Variants in ATXN3 observed in about 807,000 individuals in gnomAD.
ATXN3 encodes ataxin-3.
A neutral mutation model predicts 58.2 loss-of-function variants in ATXN3; 28 were observed. That is an observed-to-expected ratio of 0.48 (90% CI 0.36 to 0.66). ATXN3 has a LOEUF of 0.66. ATXN3 is among the 30% of genes least tolerant of loss of function. The probability of loss-of-function intolerance (pLI) is 0.00; values close to 1 mark genes in which losing one functional copy is unlikely to be tolerated. For missense variants in ATXN3, 321 were observed against 422.1 expected, an observed-to-expected ratio of 0.76 and a Z score of 2.10; for synonymous variants, 113 against 138.5, an observed-to-expected ratio of 0.82 and a Z score of 1.29.
Position 92,088,778 on chromosome 14 carries a change from T to C in ATXN3, c.427A>G (p.Ile143Val), listed in dbSNP as rs2063134140. 6.2e-7 allele frequency: 1 copy of C among 1,612,716 alleles called. No homozygotes were observed. The highest frequency in any genetic ancestry group is 8.5e-7 in the Non-Finnish European group (1 of 1,179,058). Residue 143 changes from isoleucine (I) to valine (V), a missense_variant, in exon 6 of 11, where the codon ATA becomes GTA. Ile to Val is a conservative substitution (Grantham distance 29). Coordinates refer to ENST00000644486, the MANE Select transcript of ATXN3 (RefSeq NM_004993.6). ...AAAAGTGCAAGATATGTATCTGATA[T>C]TAATTCTGGACCCGTCAAGAGAGAA... ...LNSLLTGPEL[I>V]SDTYLALFLA...
At position 92,096,891 on chromosome 14, in the gene ATXN3, T is replaced by C. The variant is rs561426690; in HGVS notation, c.25-53A>G. On this transcript the variant is annotated intron_variant, in intron 1 of 10. Transcript: ENST00000644486. ...ATGTGACTTGTTAAACAGAATTGTA[T>C]AGTATCTTCCCCTAAATAATTTTTT... is the stretch of plus-strand genomic sequence containing the variant. The C allele has an allele frequency of 6.0e-4, 894 of 1,492,872 alleles. 1 individual carries two copies. Among genetic ancestry groups the C allele is most frequent in the African/African-American group, 7.8e-4 (56 of 71,676 alleles). 92.5% of individuals were successfully genotyped at this position (1,492,872 alleles called of 1,614,324 possible).
At chr14:92,102,223 AAAG>A (rs1037296177) in intron 1 of ATXN3, among the ~76,000 whole-genome samples, 7 of 151,388 alleles carry the variant, frequency 4.6e-5, no homozygotes, top group African/African-American at 1.2e-4. Context: ...GAAAGAAAAG[AAAG>A]AAGGAAGGAA....
At chr14:92,088,676 G>A (rs1032974565) in intron 6 of ATXN3, 54 bp downstream of exon 6, 2 of 1,238,204 alleles carry the variant, frequency 1.6e-6, no homozygotes, top group African/African-American at 1.5e-5. Flanking sequence ...TAATGTGCCT[G>A]GTTATTTAAC....
chr14:92,096,225 A>G, intron 2 of ATXN3, 88 bp from the exon 3 acceptor site: 1 of 1,611,482 alleles, frequency 6.2e-7, no homozygotes, highest in Non-Finnish European at 8.5e-7. Context: ...TTAAAACAAT[A>G]TCTTGTGCAT....
rs149821097 is a variant in ATXN3 at position 92,099,760 on chromosome 14, G to T, written c.25-2922C>A. Among the ~76,000 whole-genome samples the T allele has an allele frequency of 6.1e-3, 930 of 152,156 alleles. 10 individuals are homozygous for T. The highest frequency in any genetic ancestry group is 0.021 in the African/African-American group (882 of 41,524). The stretch of plus-strand genomic sequence containing the variant: ...GTGCGTGCTTGTAGTCCAGCTTCTT[G>T]GGAGGCTGAGAAAGGAGGATAACTT... On this transcript the variant is annotated intron_variant, in intron 1 of 10. Coordinates refer to ENST00000644486, the MANE Select transcript of ATXN3 (RefSeq NM_004993.6).
At chr14:92,054,093 G>A (rs954358980), downstream of ATXN3, among the ~76,000 whole-genome samples, 3 of 152,066 alleles carry the variant, frequency 2.0e-5, no homozygotes, top group Admixed American at 6.5e-5. Flanking sequence ...CACCAACCAC[G>A]CCTGGCTAAT....
At chr14:92,056,227 G>A (rs1484667645), downstream of ATXN3, among the ~76,000 whole-genome samples, 2 of 152,154 alleles carry the variant, frequency 1.3e-5, no homozygotes, top group Non-Finnish European at 2.9e-5. Flanking sequence ...GTGGCTCAGG[G>A]CTGAGACAAG....
chr14:92,098,944 CA>C (rs1238768823), intron 1 of ATXN3, among the ~76,000 whole-genome samples: 1 of 152,160 alleles, frequency 6.6e-6, no homozygotes, highest in Non-Finnish European at 1.5e-5. Flanking sequence ...AACCTGAATC[CA>C]AGTCCAGGGT....
upstream of ATXN3, among the ~76,000 whole-genome samples, chr14:92,051,339 T>C (rs1353696913): frequency 6.6e-6 from 1 of 152,214 alleles, no homozygotes; most frequent in East Asian, 1.9e-4. Context: ...CTACAGAATC[T>C]TTCTAAAACT....
At chr14:92,093,654 T>C (rs2064426112) in intron 4 of ATXN3, 92 bp downstream of exon 4, 1 of 1,016,258 alleles carries the variant, frequency 9.8e-7, no homozygotes, top group Non-Finnish European at 1.5e-6. Context: ...AAAACAAAAG[T>C]ATTCAAAATG....
At chr14:92,068,342 GT>G (rs1411743651) in intron 10 of ATXN3, among the ~76,000 whole-genome samples, 5 of 152,146 alleles carry the variant, frequency 3.3e-5, no homozygotes, top group African/African-American at 1.2e-4. Flanking sequence ...AGTTTATTCT[GT>G]TTTGTTTGAC....
chr14:92,067,060 G>A (rs1019266427), intron 10 of ATXN3, among the ~76,000 whole-genome samples: 10 of 151,732 alleles, frequency 6.6e-5, no homozygotes, highest in Middle Eastern at 3.4e-3. Flanking sequence ...GTGTGCCACC[G>A]TGCCCAGCCT....
Position 92,071,011 on chromosome 14 carries a change from C to CTGCTGCTGCTGTTGCTGCTTT in ATXN3, c.914_915insAAAGCAGCAACAGCAGCAGCA (p.Gln305_Gly306insLysGlnGlnGlnGlnGlnGln). ...GTGAACTCTGTCCTGATAGGTCCCC[C>CTGCTGCTGCTGTTGCTGCTTT]TGCTGCTGCTGCTGCTGCTGCTGTT... On this transcript the variant is annotated inframe_insertion, in exon 10 of 11. Transcript: ENST00000644486. 1 of 1,339,826 alleles carries CTGCTGCTGCTGTTGCTGCTTT rather than the reference C, an allele frequency of 7.5e-7. No individual in the cohort carries two copies. Among genetic ancestry groups the CTGCTGCTGCTGTTGCTGCTTT allele is most frequent in the Non-Finnish European group, 1.0e-6 (1 of 996,272 alleles). 83.0% of individuals were successfully genotyped at this position (1,339,826 alleles called of 1,614,324 possible). A position where few individuals can be genotyped will look rare whatever the true frequency, so the allele number is the denominator to read the frequency against.
chr14:92,066,393 G>C (rs1207173573), intron 10 of ATXN3, among the ~76,000 whole-genome samples: 1 of 151,950 alleles, frequency 6.6e-6, no homozygotes, highest in African/African-American at 2.4e-5. Flanking sequence ...AAAGTCTATT[G>C]TGTTTACCCA....
intron 1 of ATXN3, among the ~76,000 whole-genome samples, chr14:92,098,662 C>T (rs978346621): frequency 1.3e-5 from 2 of 152,178 alleles, no homozygotes; most frequent in African/African-American, 4.8e-5. Context: ...AGAATTAATA[C>T]AGGTGAGAAA....
At chr14:92,075,165 T>G (rs1437861320) in intron 9 of ATXN3, among the ~76,000 whole-genome samples, 2 of 75,874 alleles carry the variant, frequency 2.6e-5, no homozygotes, top group Non-Finnish European at 5.3e-5. Flanking sequence ...AGTTTTTTTT[T>G]TTTTTTTTTT....
intron 9 of ATXN3, chr14:92,080,763 T>C (rs1239807348): frequency 3.6e-6 from 2 of 555,812 alleles, no homozygotes; most frequent in East Asian, 4.0e-5. Context: ...CTCGAACTCC[T>C]GACCTCAGGC....
At chr14:92,099,817 T>A (rs992473523) in intron 1 of ATXN3, among the ~76,000 whole-genome samples, 4 of 151,484 alleles carry the variant, frequency 2.6e-5, no homozygotes, top group Non-Finnish European at 4.4e-5. Flanking sequence ...TACAGTAAGC[T>A]GAGACTGCAC....
At chr14:92,054,193 CAA>C (rs1234888326), downstream of ATXN3, among the ~76,000 whole-genome samples, 1 of 152,184 alleles carries the variant, frequency 6.6e-6, no homozygotes, top group Non-Finnish European at 1.5e-5. Flanking sequence ...CTCAACCTCC[CAA>C]AGTGCTGGGA....
Sources: allele counts gnomAD v4.1 joint callset (sites outside exome capture counted in the v4.1 genomes callset), GRCh38; gene constraint gnomAD v4.1.1; transcripts MANE v1.5; gene names NCBI Gene and HGNC (gene_info 2026-07-23, HGNC 2026-07-21).